RUNDC3A: variants seen among roughly 807,000 people sequenced by gnomAD.
The protein encoded by RUNDC3A is RUN domain-containing protein 3A.
In RUNDC3A, 28 loss-of-function variants were observed where a neutral mutation model predicts 53.9. The observed-to-expected ratio is 0.52, with a 90% CI of 0.38 to 0.71. The LOEUF is 0.71. Ranked by LOEUF, RUNDC3A falls within the 30% of genes least tolerant of loss-of-function variation. RUNDC3A has a pLI of 0.00. For missense variants in RUNDC3A, 491 were observed against 597.3 expected (o/e 0.82, Z 1.85); for synonymous variants, 232 against 249.4 (o/e 0.93, Z 0.66).
chr17:44,314,368 T>C, intron 4 of RUNDC3A: 2 of 1,053,686 alleles, frequency 1.9e-6, no homozygotes, highest in Non-Finnish European at 2.3e-6. Context: ...CTGATGTTTT[T>C]ACTGAATTCC....
chr17:44,308,640 T>G lies in RUNDC3A; in HGVS notation c.-193T>G. On this transcript the variant is annotated 5_prime_UTR_variant, in exon 1 of 11. Coordinates refer to ENST00000426726, the MANE Select transcript of RUNDC3A (RefSeq NM_001144825.2). ...CCTCGGAGAGCTCCCTCCCCGGCCT[T>G]GTTTTGCTCTGGCATCGCCGCCGGG... 2 of 443,866 alleles carry G rather than the reference T, an allele frequency of 4.5e-6. No homozygotes were observed. The highest frequency in any genetic ancestry group is 4.0e-6 in the Non-Finnish European group (1 of 250,894). The allele number at this position is 443,866 out of a possible 1,614,324, so 27.5% of individuals were successfully genotyped here.
Position 44,318,394 on chromosome 17 carries a change from C to A in RUNDC3A, c.*156C>A. 1.1e-6 allele frequency: 1 copy of A among 899,496 alleles called. No individual in the cohort carries two copies. The highest frequency in any genetic ancestry group is 1.7e-6 in the Non-Finnish European group (1 of 604,948). 55.7% of individuals were successfully genotyped at this position (899,496 alleles called of 1,614,324 possible). On this transcript the variant is annotated 3_prime_UTR_variant, in exon 11 of 11. Coordinates refer to ENST00000426726, the MANE Select transcript of RUNDC3A (RefSeq NM_001144825.2). Reference sequence around the variant, plus strand: ...GGAAGATCTCGTCTGCTCACCTTAGCTTTCTGCCTTGGCAGCACGGGCTGC... The same window carrying A: ...GGAAGATCTCGTCTGCTCACCTTAGATTTCTGCCTTGGCAGCACGGGCTGC...
rs749848968 is a variant in RUNDC3A at position 44,312,573 on chromosome 17, C to T, written c.108-7C>T. The stretch of plus-strand genomic sequence containing the variant: ...CCACTGCCCCATCTCCCCACCTCGC[C>T]GCCCAGGTTCTCTGTGAAAACGCTG... On this transcript the variant is annotated splice_polypyrimidine_tract_variant and splice_region_variant and intron_variant, in intron 1 of 10. Coordinates refer to ENST00000426726, the MANE Select transcript of RUNDC3A (RefSeq NM_001144825.2). The T allele has an allele frequency of 3.6e-5, 55 of 1,541,928 alleles. No individual in the cohort carries two copies. Among genetic ancestry groups the T allele is most frequent in the Non-Finnish European group, 4.5e-5 (51 of 1,136,054 alleles).
chr17:44,312,765 G>T, intron 2 of RUNDC3A, 70 bp downstream of exon 2: 1 of 340,328 alleles, frequency 2.9e-6, no homozygotes, highest in Non-Finnish European at 4.7e-6. Flanking sequence ...CTCCCCCAGC[G>T]CCCCTCCCCC....
At chr17:44,317,602 T>C in intron 10 of RUNDC3A, 2 of 771,648 alleles carry the variant, frequency 2.6e-6, no homozygotes, top group Admixed American at 3.5e-5. Flanking sequence ...TAGTTCTCCC[T>C]ATGCCTGAAT....
chr17:44,309,009 G>A, intron 1 of RUNDC3A, 70 bp downstream of exon 1: 1 of 1,069,844 alleles, frequency 9.3e-7, no homozygotes, highest in Non-Finnish European at 1.3e-6. Flanking sequence ...CGGAAACCCG[G>A]ACTGAGCGCT....
intron 1 of RUNDC3A, 149 bp from the exon 2 acceptor site, chr17:44,312,431 T>G: frequency 1.6e-6 from 1 of 615,120 alleles, no homozygotes. Context: ...GTCACTGTAG[T>G]CTTGCCTGTC....
In RUNDC3A at chr17:44,314,840, C is replaced by T. The variant is rs745808014; in HGVS notation, c.548+16C>T. On this transcript the variant is annotated intron_variant, in intron 5 of 10. Transcript: ENST00000426726. ...TCGACTTCAGGTGGGGTCTGCCTGA[C>T]GGCAGTGGTGGAGGGGGCTGTTTCC... is the stretch of plus-strand genomic sequence containing the variant. The T allele has an allele frequency of 3.7e-6, 6 of 1,613,930 alleles. No homozygotes were observed. The highest frequency in any genetic ancestry group is 2.2e-5 in the East Asian group (1 of 44,888).
At position 44,318,304 on chromosome 17, in the gene RUNDC3A, CAA is replaced by C. The variant is rs1465531076; in HGVS notation, c.*67_*68del. 61 of 1,487,258 alleles carry C rather than the reference CAA, an allele frequency of 4.1e-5. No homozygotes were observed. The highest frequency in any genetic ancestry group is 5.1e-5 in the Non-Finnish European group (56 of 1,095,724). The allele number at this position is 1,487,258 out of a possible 1,614,324, so 92.1% of individuals were successfully genotyped here. A position where few individuals can be genotyped will look rare whatever the true frequency, so the allele number is the denominator to read the frequency against. ...ATGGACACCTGCCACCTTTCTTCAA[CAA>C]GAGTCCCCCAATCCAGGCTACCCTT... On this transcript the variant is annotated 3_prime_UTR_variant, in exon 11 of 11. Transcript: ENST00000426726.
At chr17:44,310,587 C>T in intron 1 of RUNDC3A, 1 of 446,320 alleles carries the variant, frequency 2.2e-6, no homozygotes, top group Non-Finnish European at 3.0e-6. Flanking sequence ...ACTGCCTCAT[C>T]ACTGTCACAT....
At chr17:44,312,865 C>T (rs1413499821) in intron 2 of RUNDC3A, among the ~76,000 whole-genome samples, 170 bp downstream of exon 2, 3 of 152,098 alleles carry the variant, frequency 2.0e-5, no homozygotes, top group East Asian at 3.9e-4. Context: ...TTGACCCTGG[C>T]CCCCATTCTG....
At chr17:44,316,967 C>T (rs2047877927) in intron 10 of RUNDC3A, 2 of 463,718 alleles carry the variant, frequency 4.3e-6, no homozygotes, top group Non-Finnish European at 7.6e-6. Context: ...GGATTAAAAG[C>T]GCCTGCCACC....
At chr17:44,316,851 C>G in intron 10 of RUNDC3A, 126 bp downstream of exon 10, 1 of 620,028 alleles carries the variant, frequency 1.6e-6, no homozygotes, top group Non-Finnish European at 2.6e-6. Flanking sequence ...GAGACGGAGT[C>G]TCACTCTGTC....
intron 1 of RUNDC3A, among the ~76,000 whole-genome samples, chr17:44,309,467 C>T (rs562868831): frequency 1.3e-5 from 2 of 152,264 alleles, no homozygotes; most frequent in East Asian, 1.9e-4. Flanking sequence ...CCACCCAAGA[C>T]GTGGGAAGGA....
At chr17:44,313,330 T>C (rs1387024207) in intron 3 of RUNDC3A, 78 bp downstream of exon 3, 5 of 1,607,702 alleles carry the variant, frequency 3.1e-6, no homozygotes, top group Non-Finnish European at 4.3e-6. Context: ...TTGCCCCCTG[T>C]GCACAGCCCA....
Position 44,318,344 on chromosome 17 carries a change from A to C in RUNDC3A, c.*106A>C. 5 of 1,231,126 alleles carry C rather than the reference A, an allele frequency of 4.1e-6. No individual in the cohort carries two copies. Among genetic ancestry groups the C allele is most frequent in the Non-Finnish European group, 4.5e-6 (4 of 884,572 alleles). The allele number at this position is 1,231,126 out of a possible 1,614,324, so 76.3% of individuals were successfully genotyped here. ...CCAGGCTACCCTTCCAGAGAACGCTACCCACCCAGCCAGGGTTCTCTCGGG... is the reference window on the plus strand; with the variant it reads ...CCAGGCTACCCTTCCAGAGAACGCTCCCCACCCAGCCAGGGTTCTCTCGGG... On this transcript the variant is annotated 3_prime_UTR_variant, in exon 11 of 11. Coordinates refer to ENST00000426726, the MANE Select transcript of RUNDC3A (RefSeq NM_001144825.2).
chr17:44,315,123 G>C lies in RUNDC3A; in HGVS notation c.630-32G>C. On this transcript the variant is annotated intron_variant, in intron 6 of 10. Coordinates refer to ENST00000426726, the MANE Select transcript of RUNDC3A (RefSeq NM_001144825.2). This position sits in a 1 kb window ranked among gnomAD's most constrained non-coding sequence, Gnocchi z 6.1. The stretch of plus-strand genomic sequence containing the variant: ...CGCAGACGCGCGGGGGGAGGGGCGG[G>C]ACCGGCCGTGCCCACTGCTCCCTCT... The C allele has an allele frequency of 6.3e-7, 1 of 1,590,932 alleles. No homozygotes were observed. The highest frequency in any genetic ancestry group is 8.6e-7 in the Non-Finnish European group (1 of 1,168,380).
chr17:44,314,320 G>A (rs982282403), intron 4 of RUNDC3A: 2 of 1,024,400 alleles, frequency 2.0e-6, no homozygotes, highest in Non-Finnish European at 2.3e-6. Context: ...GTGTGGCGGG[G>A]GGCATATACC....
At chr17:44,316,028 T>C (rs1375396650) in intron 8 of RUNDC3A, among the ~76,000 whole-genome samples, 1 of 151,872 alleles carries the variant, frequency 6.6e-6, no homozygotes, top group Admixed American at 6.6e-5. Flanking sequence ...CCGATCCCTG[T>C]AACACTTCTT....
Sources: allele counts gnomAD v4.1 joint callset (sites outside exome capture counted in the v4.1 genomes callset), GRCh38; gene constraint gnomAD v4.1.1; non-coding constraint Gnocchi (gnomAD v3.1); transcripts MANE v1.5; gene names NCBI Gene and HGNC (gene_info 2026-07-23, HGNC 2026-07-21).